The following MAN1A1 variants were observed in gnomAD, a reference collection of about 807,000 sequenced individuals.
The protein encoded by MAN1A1 is mannosyl-oligosaccharide 1,2-alpha-mannosidase IA.
A neutral mutation model predicts 70.8 loss-of-function variants in MAN1A1; 29 were observed. That is an observed-to-expected ratio of 0.41 (90% confidence interval 0.31 to 0.56). The LOEUF (loss-of-function observed/expected upper bound fraction) is 0.56. MAN1A1 is among the 20% of genes least tolerant of loss of function. MAN1A1 has a pLI of 0.29. For missense variants in MAN1A1, 747 were observed against 841.3 expected, an observed-to-expected ratio of 0.89 and a Z score of 1.39; for synonymous variants, 349 against 330.1, an observed-to-expected ratio of 1.06 and a Z score of -0.62.
At chr6:119,338,409 A>G (rs187791643) in intron 2 of MAN1A1, among the ~76,000 whole-genome samples, 10 of 152,260 alleles carry the variant, frequency 6.6e-5, no homozygotes, top group Admixed American at 3.9e-4. Context: ...GACAAAATGC[A>G]TATTTATCCT....
In MAN1A1 at chr6:119,348,502, G is replaced by C. The variant is rs1370464007; in HGVS notation, c.564C>G (p.Ala188=). The change falls in exon 2 of 13, where the codon GCC becomes GCG. Residue 188 remains alanine (A), a synonymous_variant. Transcript: ENST00000368468. ...PPIGVESREP[A]DAAIREKRAK... ...CCCTTTTCTCGCGGATGGCGGCGTC[G>C]GCGGGCTCCCGGCTCTCCACCCCGA... 2 of 1,609,626 alleles carry C rather than the reference G, an allele frequency of 1.2e-6. No homozygotes were observed. The highest frequency in any genetic ancestry group is 1.3e-5 in the African/African-American group (1 of 74,824).
In MAN1A1 at chr6:119,179,001, A is replaced by G. The variant is rs1358034597; in HGVS notation, c.*818T>C. 6.6e-6 allele frequency: 1 copy of G among 152,174 alleles called. No individual in the cohort carries two copies. The highest frequency in any genetic ancestry group is 6.5e-5 in the Admixed American group (1 of 15,278). The allele number at this position is 152,174 out of a possible 1,614,324, so 9.4% of individuals were successfully genotyped here. On this transcript the variant is annotated 3_prime_UTR_variant, in exon 13 of 13. Transcript: ENST00000368468. ...AAAAGCTAATCCATTAAGTTGTACT[A>G]TTTTCTTCAGATAAATGTAATTCAG...
At chr6:119,228,426 A>G (rs1000908810) in intron 6 of MAN1A1, among the ~76,000 whole-genome samples, 1 of 152,156 alleles carries the variant, frequency 6.6e-6, no homozygotes, top group African/African-American at 2.4e-5. Flanking sequence ...AAAAATCTTA[A>G]TAATTCTTTC....
chr6:119,316,951 CTTT>C (rs11362337), intron 2 of MAN1A1, among the ~76,000 whole-genome samples: 5 of 138,128 alleles, frequency 3.6e-5, no homozygotes, highest in Admixed American at 7.3e-5. Flanking sequence ...TATTATTATT[CTTT>C]TTTTTTTTTT....
At chr6:119,312,003 A>G (rs1772720817) in intron 2 of MAN1A1, among the ~76,000 whole-genome samples, 1 of 152,174 alleles carries the variant, frequency 6.6e-6, no homozygotes, top group South Asian at 2.1e-4. Context: ...GCAGTGAGGA[A>G]ATAACCTAGA....
chr6:119,336,875 C>A (rs1451286806), intron 2 of MAN1A1, among the ~76,000 whole-genome samples: 1 of 151,918 alleles, frequency 6.6e-6, no homozygotes, highest in Admixed American at 6.5e-5. Flanking sequence ...AAAATGGCAA[C>A]CCTTATTAAA....
chr6:119,201,721 C>T (rs543010134), intron 7 of MAN1A1, among the ~76,000 whole-genome samples: 28 of 152,254 alleles, frequency 1.8e-4, no homozygotes, highest in Middle Eastern at 3.4e-3. Flanking sequence ...TCATAGAGCA[C>T]ACTGTCACAA....
chr6:119,230,690 T>C (rs1774651923), intron 6 of MAN1A1, among the ~76,000 whole-genome samples: 1 of 152,220 alleles, frequency 6.6e-6, no homozygotes. Context: ...TTACCACTTA[T>C]CTCCTGCACC....
intron 6 of MAN1A1, among the ~76,000 whole-genome samples, chr6:119,214,971 A>G (rs114627476): frequency 0.047 from 7,138 of 151,646 alleles, 203 homozygotes; most frequent in Middle Eastern, 0.078. Flanking sequence ...AATTAGAGAT[A>G]CTACACTCAT....
chr6:119,282,495 T>C (rs1311271290), intron 5 of MAN1A1, among the ~76,000 whole-genome samples: 1 of 152,178 alleles, frequency 6.6e-6, no homozygotes, highest in Non-Finnish European at 1.5e-5. Context: ...TTACCAATCA[T>C]AATGGAATAG....
chr6:119,350,476 A>G (rs1773883615), upstream of MAN1A1: 1 of 977,520 alleles, frequency 1.0e-6, no homozygotes, highest in Non-Finnish European at 1.2e-6. Context: ...CAAAAAACCG[A>G]AAAAACTTGT....
intron 4 of MAN1A1, among the ~76,000 whole-genome samples, chr6:119,293,597 C>A (rs985856556): frequency 6.6e-6 from 1 of 152,192 alleles, no homozygotes; most frequent in South Asian, 2.1e-4. Flanking sequence ...GAACCACATT[C>A]GAATTTCCAA....
chr6:119,227,307 T>C (rs1241132635), intron 6 of MAN1A1, among the ~76,000 whole-genome samples: 1 of 152,192 alleles, frequency 6.6e-6, no homozygotes, highest in African/African-American at 2.4e-5. Flanking sequence ...TAGGAAAGTT[T>C]TGTGAGTAAC....
At chr6:119,210,125 G>C (rs1328735161) in intron 6 of MAN1A1, among the ~76,000 whole-genome samples, 2 of 152,092 alleles carry the variant, frequency 1.3e-5, no homozygotes, top group Admixed American at 1.3e-4. Flanking sequence ...ACTACCTTGG[G>C]CTGTGCGGGA....
intron 6 of MAN1A1, among the ~76,000 whole-genome samples, chr6:119,227,773 T>G (rs1774559024): frequency 6.6e-6 from 1 of 152,218 alleles, no homozygotes. Flanking sequence ...TTGGCCTGTT[T>G]TTTAAAAATG....
upstream of MAN1A1, among the ~76,000 whole-genome samples, chr6:119,349,976 T>C (rs1174594311): frequency 1.3e-5 from 2 of 151,280 alleles, no homozygotes; most frequent in African/African-American, 4.9e-5. Flanking sequence ...AGGCGCGAGG[T>C]AGGCGGGAGC....
intron 9 of MAN1A1, among the ~76,000 whole-genome samples, chr6:119,192,756 TA>T (rs200770036): frequency 0.021 from 3,264 of 152,300 alleles, 51 homozygotes; most frequent in South Asian, 0.052. Flanking sequence ...TATTACCACA[TA>T]AAATACTTAA....
chr6:119,324,315 A>C (rs900868084), intron 2 of MAN1A1, among the ~76,000 whole-genome samples: 2 of 152,256 alleles, frequency 1.3e-5, no homozygotes, highest in Non-Finnish European at 2.9e-5. Context: ...ATAATACAGT[A>C]TATCATACAT....
At chr6:119,191,625 G>C (rs189891473) in intron 9 of MAN1A1, among the ~76,000 whole-genome samples, 2 of 152,148 alleles carry the variant, frequency 1.3e-5, no homozygotes, top group Non-Finnish European at 2.9e-5. Context: ...CTTCAGAATC[G>C]TAAGTGTCTG....
Sources: gnomAD v4.1 joint callset for allele counts (sites outside exome capture counted in the v4.1 genomes callset) on GRCh38, gnomAD v4.1.1 for gene constraint, MANE v1.5 for transcripts, NCBI Gene and HGNC (gene_info 2026-07-23, HGNC 2026-07-21) for gene names.